The following SCCPDH variants were observed in gnomAD, a reference collection of about 807,000 sequenced individuals.
The protein encoded by SCCPDH is saccharopine dehydrogenase (putative), also known as saccharopine dehydrogenase-like oxidoreductase.
SCCPDH carries 34 observed loss-of-function variants against 51.5 expected under a neutral mutation model. That is an observed-to-expected ratio of 0.66 (90% confidence interval 0.50 to 0.88). The LOEUF is 0.88. SCCPDH is among the 40% of genes least tolerant of loss of function. SCCPDH has a pLI of 0.00. For synonymous variants in SCCPDH, 187 were observed against 191.3 expected (o/e 0.98, Z 0.19); for missense variants, 464 against 527.1 (o/e 0.88, Z 1.17).
At chr1:246,727,782 G>A (rs1479727558) in intron 2 of SCCPDH, among the ~76,000 whole-genome samples, 3 of 152,170 alleles carry the variant, frequency 2.0e-5, no homozygotes, top group East Asian at 3.8e-4. Context: ...ACTGAAGAGT[G>A]TGACAGAGGC....
In SCCPDH at chr1:246,740,162, G is replaced by T; in HGVS notation, c.385-10G>T. Reference sequence around the variant, plus strand: ...ATAACTAATTAAAATTCTTATCCTGGATTTTTTAGTTTCTGGAACTAATGC... The same window carrying T: ...ATAACTAATTAAAATTCTTATCCTGTATTTTTTAGTTTCTGGAACTAATGC... On this transcript the variant is annotated splice_polypyrimidine_tract_variant and intron_variant, in intron 3 of 11. Coordinates refer to ENST00000366510, the MANE Select transcript of SCCPDH (RefSeq NM_016002.3). 2 of 1,558,432 alleles carry T rather than the reference G, an allele frequency of 1.3e-6. No homozygotes were observed. The highest frequency in any genetic ancestry group is 4.5e-5 in the East Asian group (2 of 44,046).
intron 5 of SCCPDH, among the ~76,000 whole-genome samples, chr1:246,748,391 G>T (rs7410903): frequency 6.6e-6 from 1 of 152,036 alleles, no homozygotes; most frequent in African/African-American, 2.4e-5. Flanking sequence ...TTTGTAAGGC[G>T]CTCGTTGTGC....
At chr1:246,748,796 G>T (rs1668808230) in intron 5 of SCCPDH, among the ~76,000 whole-genome samples, 1 of 152,162 alleles carries the variant, frequency 6.6e-6, no homozygotes, top group Non-Finnish European at 1.5e-5. Flanking sequence ...CATGTTGACA[G>T]AATGCTAGGG....
At chr1:246,751,416 T>C (rs1668849111) in intron 5 of SCCPDH, among the ~76,000 whole-genome samples, 2 of 152,224 alleles carry the variant, frequency 1.3e-5, no homozygotes, top group South Asian at 4.1e-4. Flanking sequence ...CCTTTACAAT[T>C]AACTTTTCAA....
In SCCPDH at chr1:246,767,182, T is replaced by A; in HGVS notation, c.1185-13T>A. On this transcript the variant is annotated splice_polypyrimidine_tract_variant and intron_variant, in intron 11 of 11. Coordinates refer to ENST00000366510, the MANE Select transcript of SCCPDH (RefSeq NM_016002.3). ...AGCTGAGTGCACTGTTTTCTCTTGTTATTGTTTTATAGGGGCGGGGTCTTC... is the reference window on the plus strand; with the variant it reads ...AGCTGAGTGCACTGTTTTCTCTTGTAATTGTTTTATAGGGGCGGGGTCTTC... 6.3e-7 allele frequency: 1 copy of A among 1,586,740 alleles called. No homozygotes were observed. Among genetic ancestry groups the A allele is most frequent in the East Asian group, 2.3e-5 (1 of 44,070 alleles).
Position 246,726,970 on chromosome 1 carries a change from A to G in SCCPDH, c.269A>G (p.Lys90Arg), listed in dbSNP as rs1309742950. 2.5e-6 allele frequency: 4 copies of G among 1,613,922 alleles called. No individual in the cohort carries two copies. The highest frequency in any genetic ancestry group is 8.5e-7 in the Non-Finnish European group (1 of 1,179,842). The change falls in exon 2 of 12, where the codon AAA becomes AGA. Residue 90 changes from lysine to arginine, a missense_variant. Coordinates refer to ENST00000366510, the MANE Select transcript of SCCPDH (RefSeq NM_016002.3). ...ANPASLDEMA[K>R]QATVVLNCVG... Reference sequence around the variant, plus strand: ...CCAGCCTCGCTTGATGAAATGGCTAAACAGGCAACAGTTGTCCTCAATTGC... The same window carrying G: ...CCAGCCTCGCTTGATGAAATGGCTAGACAGGCAACAGTTGTCCTCAATTGC...
intron 10 of SCCPDH, among the ~76,000 whole-genome samples, chr1:246,765,201 TTAC>T (rs1669070605): frequency 7.2e-6 from 1 of 139,642 alleles, no homozygotes; most frequent in Non-Finnish European, 1.6e-5. Flanking sequence ...TGTGGTATAA[TTAC>T]TGTCAGAGAC....
intron 7 of SCCPDH, 139 bp downstream of exon 7, chr1:246,759,290 T>C: frequency 3.3e-6 from 2 of 612,800 alleles, no homozygotes; most frequent in East Asian, 2.8e-5. Context: ...ATACACAGAA[T>C]CATTAGGGTA....
rs764165887 is a variant in SCCPDH, at chr1:246,766,066, T to C, written c.1111T>C (p.Tyr371His). 1.2e-6 allele frequency: 2 copies of C among 1,610,854 alleles called. No individual in the cohort carries two copies. The highest frequency in any genetic ancestry group is 2.2e-5 in the East Asian group (1 of 44,830). Residue 371 changes from tyrosine (Y) to histidine (H), a missense_variant, in exon 11 of 12, where the codon TAT (tyrosine) becomes CAT (histidine). Physicochemically the swap from Tyr to His is moderately conservative, Grantham distance 83. Coordinates refer to ENST00000366510, the MANE Select transcript of SCCPDH (RefSeq NM_016002.3). Reference sequence around the variant, plus strand: ...TCAACTGTTTTCTGCAGAGGCTGGCTATGTGGCTACCCCCATAGCTATGGT... The same window carrying C: ...TCAACTGTTTTCTGCAGAGGCTGGCCATGTGGCTACCCCCATAGCTATGGT... ...CTQVKGPEAG[Y>H]VATPIAMVQA...
intron 5 of SCCPDH, among the ~76,000 whole-genome samples, chr1:246,750,475 C>A (rs921002928): frequency 6.6e-6 from 1 of 152,060 alleles, no homozygotes; most frequent in Non-Finnish European, 1.5e-5. Context: ...TCCATGGCAC[C>A]CGAGTCTCTA....
chr1:246,729,937 T>C lies in SCCPDH; in HGVS notation c.303+2933T>C, dbSNP rs539118663. ...CCTCTGTTCGGGGTCCCTGACTTCC[T>C]GTAACACTTTATGTTTACAATTACA... is the stretch of plus-strand genomic sequence containing the variant. On this transcript the variant is annotated intron_variant, in intron 2 of 11. Coordinates refer to ENST00000366510, the MANE Select transcript of SCCPDH (RefSeq NM_016002.3). 1.4e-3 allele frequency among the ~76,000 whole-genome samples: 207 copies of C among 152,342 alleles called. 1 individual carries two copies. The highest frequency in any genetic ancestry group is 4.4e-3 in the African/African-American group (184 of 41,574).
chr1:246,758,629 T>A (rs757819126), intron 6 of SCCPDH, among the ~76,000 whole-genome samples: 1 of 152,206 alleles, frequency 6.6e-6, no homozygotes, highest in African/African-American at 2.4e-5. Context: ...ATAAAACATG[T>A]GAATCCTAGG....
intron 5 of SCCPDH, among the ~76,000 whole-genome samples, chr1:246,744,921 C>T (rs1301061938): frequency 3.3e-5 from 5 of 152,192 alleles, no homozygotes; most frequent in South Asian, 4.1e-4. Flanking sequence ...CCACTGCACC[C>T]GGCCCCTAAA....
chr1:246,728,909 C>G (rs979545165), intron 2 of SCCPDH, among the ~76,000 whole-genome samples: 4 of 152,144 alleles, frequency 2.6e-5, no homozygotes, highest in Non-Finnish European at 5.9e-5. Flanking sequence ...AACATAGGTT[C>G]TTTTCTATTT....
intron 2 of SCCPDH, among the ~76,000 whole-genome samples, chr1:246,734,568 C>T (rs1341685301): frequency 6.6e-6 from 1 of 152,146 alleles, no homozygotes; most frequent in Non-Finnish European, 1.5e-5. Flanking sequence ...ACACACTTCT[C>T]CCAGTCCTGT....
At chr1:246,740,850 G>T (rs1391078684) in intron 4 of SCCPDH, among the ~76,000 whole-genome samples, 4 of 152,122 alleles carry the variant, frequency 2.6e-5, no homozygotes, top group Non-Finnish European at 5.9e-5. Context: ...GGAGGTTGAG[G>T]CAGCAGGATC....
intron 3 of SCCPDH, among the ~76,000 whole-genome samples, chr1:246,739,288 T>C (rs757117005): frequency 5.3e-5 from 8 of 152,158 alleles, no homozygotes; most frequent in Non-Finnish European, 8.8e-5. Flanking sequence ...TATGATATGA[T>C]AAGAATAGCA....
At chr1:246,759,564 A>T (rs575583933) in intron 7 of SCCPDH, among the ~76,000 whole-genome samples, 238 of 152,250 alleles carry the variant, frequency 1.6e-3, no homozygotes, top group African/African-American at 5.6e-3. Context: ...CATTGCCGAG[A>T]CTTCAGGAGG....
intron 5 of SCCPDH, among the ~76,000 whole-genome samples, chr1:246,749,691 A>T (rs1572301188): frequency 1.3e-5 from 2 of 152,232 alleles, no homozygotes; most frequent in Non-Finnish European, 2.9e-5. Context: ...TTTATAGAGC[A>T]TCGGACAAAT....
Sources: allele counts gnomAD v4.1 joint callset (sites outside exome capture counted in the v4.1 genomes callset), GRCh38; gene constraint gnomAD v4.1.1; transcripts MANE v1.5; gene names NCBI Gene and HGNC (gene_info 2026-07-23, HGNC 2026-07-21).